Variants in CAMKMT observed in about 807,000 individuals in gnomAD.
The protein encoded by CAMKMT is calmodulin-lysine N-methyltransferase, also known as CaM KMT.
In CAMKMT, 53 loss-of-function variants were observed where a neutral mutation model predicts 48.0. That is an observed-to-expected ratio of 1.10 (90% CI 0.89 to 1.39). The LOEUF (loss-of-function observed/expected upper bound fraction) is 1.39, where lower values mean the gene tolerates loss of function less well. CAMKMT is among the 40% of genes most tolerant of loss of function. The probability of loss-of-function intolerance (pLI) is 0.00; values close to 1 mark genes in which losing one functional copy is unlikely to be tolerated. For missense variants in CAMKMT, 428 were observed against 402.7 expected, an observed-to-expected ratio of 1.06 and a Z score of -0.54; for synonymous variants, 165 against 152.3, an observed-to-expected ratio of 1.08 and a Z score of -0.61.
chr2:44,713,138 C>G (rs1454859330), intron 6 of CAMKMT, among the ~76,000 whole-genome samples: 1 of 152,048 alleles, frequency 6.6e-6, no homozygotes, highest in Non-Finnish European at 1.5e-5. Flanking sequence ...CCTGGAGTCA[C>G]AGGTTTATAA....
chr2:44,605,978 G>C (rs1349805051), intron 3 of CAMKMT, among the ~76,000 whole-genome samples: 2 of 152,078 alleles, frequency 1.3e-5, no homozygotes, highest in Non-Finnish European at 2.9e-5. Flanking sequence ...ACTAAAGAAA[G>C]TAAGAATTCT....
chr2:44,362,051 G>A lies in CAMKMT; in HGVS notation c.44G>A (p.Arg15Gln). ...GACGCTGGGACCGGCGAGACCGCGC[G>A]AGCAGCGGGCGGGAGTCCGGCAGTT... ...VADAGTGETARAAGGSPAVGC... is the reference protein window; with the variant it reads ...VADAGTGETAQAAGGSPAVGC... The change falls in exon 1 of 11, where the codon CGA becomes CAA. Residue 15 changes from arginine to glutamine, a missense_variant. Transcript: ENST00000378494. 3.5e-6 allele frequency: 5 copies of A among 1,434,490 alleles called. No individual in the cohort carries two copies. The highest frequency in any genetic ancestry group is 4.5e-6 in the Non-Finnish European group (5 of 1,099,650). The allele number at this position is 1,434,490 out of a possible 1,614,324, so 88.9% of individuals were successfully genotyped here. A position where few individuals can be genotyped will look rare whatever the true frequency, so the allele number is the denominator to read the frequency against.
At chr2:44,399,934 G>A (rs1247847669) in intron 3 of CAMKMT, among the ~76,000 whole-genome samples, 1 of 152,188 alleles carries the variant, frequency 6.6e-6, no homozygotes, top group Non-Finnish European at 1.5e-5. Context: ...TGATTTGGAT[G>A]ATAAATTATA....
At chr2:44,396,659 T>C (rs1289596106) in intron 3 of CAMKMT, among the ~76,000 whole-genome samples, 1 of 151,728 alleles carries the variant, frequency 6.6e-6, no homozygotes. Context: ...GTAGGTAAAT[T>C]AATTCTACTT....
intron 3 of CAMKMT, among the ~76,000 whole-genome samples, chr2:44,465,252 C>T (rs892486224): frequency 2.6e-5 from 4 of 151,906 alleles, no homozygotes; most frequent in Non-Finnish European, 4.4e-5. Context: ...AAAATACCTA[C>T]AGAAGCTGCA....
intron 3 of CAMKMT, among the ~76,000 whole-genome samples, chr2:44,584,873 T>G (rs1291028444): frequency 6.6e-6 from 1 of 151,986 alleles, no homozygotes; most frequent in Admixed American, 6.5e-5. Context: ...GCTAACGTGG[T>G]GAAACCCTGT....
chr2:44,708,143 G>C (rs1382792489), intron 6 of CAMKMT, among the ~76,000 whole-genome samples: 1 of 144,056 alleles, frequency 6.9e-6, no homozygotes, highest in Non-Finnish European at 1.5e-5. Context: ...CAGTCGAGCT[G>C]ATTTGTTCAG....
intron 3 of CAMKMT, among the ~76,000 whole-genome samples, chr2:44,470,455 G>A (rs1668354938): frequency 6.6e-6 from 1 of 151,752 alleles, no homozygotes; most frequent in Non-Finnish European, 1.5e-5. Context: ...GGCCCTCCAT[G>A]CTTCTCAAGG....
chr2:44,714,240 C>G (rs970448598), intron 6 of CAMKMT, among the ~76,000 whole-genome samples: 41 of 152,190 alleles, frequency 2.7e-4, no homozygotes, highest in Non-Finnish European at 1.0e-4. Context: ...AAAAGAGGAT[C>G]AACTCTAAGA....
intron 1 of CAMKMT, among the ~76,000 whole-genome samples, chr2:44,369,064 A>G (rs1029867501): frequency 2.0e-5 from 3 of 151,974 alleles, no homozygotes; most frequent in African/African-American, 7.3e-5. Context: ...TTGTATTTTT[A>G]GTAGAGATGG....
chr2:44,567,038 G>T (rs970866942), intron 3 of CAMKMT, among the ~76,000 whole-genome samples: 2 of 152,126 alleles, frequency 1.3e-5, no homozygotes, highest in Admixed American at 1.3e-4. Context: ...GCTACCATAG[G>T]AACCAGTATT....
rs139959218 is a variant in CAMKMT, at chr2:44,384,415, A to G, written c.312-5826A>G. On this transcript the variant is annotated intron_variant, in intron 2 of 10. Transcript: ENST00000378494. ...GTTTAGATTGTGAAGATTTTCTCCC[A>G]CTCTCTGGGTTGTCTGTTTACTCTG... 4.2e-5 allele frequency among the ~76,000 whole-genome samples: 6 copies of G among 143,876 alleles called. No individual in the cohort carries two copies. The East Asian group carries it at 8.1e-4, about 19-fold the overall frequency. The allele number at this position is 143,876 out of a possible 152,430, so 94.4% of individuals were successfully genotyped here.
At chr2:44,762,299 G>A (rs922197837) in intron 9 of CAMKMT, among the ~76,000 whole-genome samples, 4 of 152,194 alleles carry the variant, frequency 2.6e-5, no homozygotes, top group African/African-American at 9.7e-5. Flanking sequence ...AGCAGCCTGG[G>A]CAGCATAACA....
chr2:44,662,199 A>G (rs774115211), intron 3 of CAMKMT, among the ~76,000 whole-genome samples: 2 of 152,178 alleles, frequency 1.3e-5, no homozygotes, highest in African/African-American at 2.4e-5. Context: ...TGTTCTTTAT[A>G]TGAAAATGTT....
At chr2:44,379,891 T>C (rs1446096012) in intron 2 of CAMKMT, among the ~76,000 whole-genome samples, 2 of 152,156 alleles carry the variant, frequency 1.3e-5, no homozygotes, top group African/African-American at 2.4e-5. Flanking sequence ...ATCATACATG[T>C]GATATTTGCA....
chr2:44,561,680 A>T (rs1668330157), intron 3 of CAMKMT, among the ~76,000 whole-genome samples: 1 of 152,220 alleles, frequency 6.6e-6, no homozygotes, highest in Non-Finnish European at 1.5e-5. Context: ...TCAATCTGCC[A>T]GCTTAAGCTA....
chr2:44,391,095 A>G (rs116043323), intron 3 of CAMKMT, among the ~76,000 whole-genome samples: 1 of 152,290 alleles, frequency 6.6e-6, no homozygotes, highest in African/African-American at 2.4e-5. Flanking sequence ...TCTCAAAGAA[A>G]ATTTCAGAAC....
chr2:44,656,700 C>T (rs1021208623), intron 3 of CAMKMT, among the ~76,000 whole-genome samples: 1 of 152,116 alleles, frequency 6.6e-6, no homozygotes, highest in South Asian at 2.1e-4. Flanking sequence ...AAAGGTCCCC[C>T]CCACCCCACC....
intron 3 of CAMKMT, among the ~76,000 whole-genome samples, chr2:44,628,125 T>A (rs1672600072): frequency 6.6e-6 from 1 of 152,172 alleles, no homozygotes; most frequent in Admixed American, 6.5e-5. Flanking sequence ...TTTTAAATTT[T>A]TTTGTAGAGA....
Sources: allele counts gnomAD v4.1 joint callset (sites outside exome capture counted in the v4.1 genomes callset), GRCh38; gene constraint gnomAD v4.1.1; transcripts MANE v1.5; gene names NCBI Gene and HGNC (gene_info 2026-07-23, HGNC 2026-07-21).